FARP1: variants seen among roughly 807,000 people sequenced by gnomAD.
FARP1 encodes the protein FERM, ARHGEF and pleckstrin domain-containing protein 1.
In FARP1, 52 loss-of-function variants were observed where a neutral mutation model predicts 128.8. That is an observed-to-expected ratio of 0.40 (90% CI 0.32 to 0.51). The LOEUF is 0.51. Ranked by LOEUF, FARP1 falls within the 20% of genes least tolerant of loss-of-function variation. The pLI is 0.45. For missense variants in FARP1, 1,333 were observed against 1,367.9 expected, an observed-to-expected ratio of 0.97 and a Z score of 0.40; for synonymous variants, 580 against 551.8, an observed-to-expected ratio of 1.05 and a Z score of -0.72.
intron 2 of FARP1, among the ~76,000 whole-genome samples, chr13:98,325,684 C>G (rs1428934558): frequency 1.3e-5 from 2 of 152,202 alleles, no homozygotes; most frequent in African/African-American, 4.8e-5. Flanking sequence ...CATACTTCTC[C>G]AACACATACT....
chr13:98,160,840 T>G (rs1378436634), intron 1 of FARP1, among the ~76,000 whole-genome samples: 1 of 151,844 alleles, frequency 6.6e-6, no homozygotes, highest in Non-Finnish European at 1.5e-5. Flanking sequence ...TTTTTTTTGT[T>G]TTTGTTTTTT....
intron 1 of FARP1, among the ~76,000 whole-genome samples, chr13:98,210,622 T>C (rs1371503420): frequency 6.6e-6 from 1 of 151,696 alleles, no homozygotes; most frequent in African/African-American, 2.4e-5. Flanking sequence ...CGATCTTGGC[T>C]CACTGCAACC....
chr13:98,151,295 T>C (rs1875980053), intron 1 of FARP1, among the ~76,000 whole-genome samples: 1 of 151,932 alleles, frequency 6.6e-6, no homozygotes, highest in African/African-American at 2.4e-5. Context: ...GAACACAGAG[T>C]GTATGTAGGG....
At chr13:98,221,246 T>C (rs1881397653) in intron 2 of FARP1, among the ~76,000 whole-genome samples, 1 of 152,228 alleles carries the variant, frequency 6.6e-6, no homozygotes. Flanking sequence ...CCCTGAACTT[T>C]AGTTTCCTTC....
At chr13:98,177,284 T>A (rs770735775) in intron 1 of FARP1, 2 of 1,455,256 alleles carry the variant, frequency 1.4e-6, no homozygotes, top group Non-Finnish European at 1.8e-6. Context: ...CACCCTTGCG[T>A]CGCCCTTGCG....
intron 1 of FARP1, among the ~76,000 whole-genome samples, chr13:98,167,155 C>T (rs1307790297): frequency 5.3e-5 from 8 of 152,132 alleles, no homozygotes; most frequent in Admixed American, 2.6e-4. Context: ...GTTCCTGTCC[C>T]TTGGCCAATT....
At chr13:98,270,280 A>G (rs578074608) in intron 2 of FARP1, among the ~76,000 whole-genome samples, 1 of 152,192 alleles carries the variant, frequency 6.6e-6, no homozygotes, top group East Asian at 1.9e-4. Flanking sequence ...CTTGGTCTCT[A>G]TGACAGTTGA....
chr13:98,233,439 A>G (rs1263412761), intron 2 of FARP1, among the ~76,000 whole-genome samples: 2 of 152,138 alleles, frequency 1.3e-5, no homozygotes, highest in Non-Finnish European at 2.9e-5. Flanking sequence ...GGTAGAAGTT[A>G]CAGGAGAGGG....
intron 2 of FARP1, among the ~76,000 whole-genome samples, chr13:98,277,148 A>ACACACACACACACCCCC (rs372627844): frequency 7.2e-6 from 1 of 138,580 alleles, no homozygotes; most frequent in Admixed American, 7.1e-5. Flanking sequence ...ACACACACAC[A>ACACACACACACACCCCC]CCCCATATGT....
At chr13:98,320,830 G>A (rs550435791) in intron 2 of FARP1, among the ~76,000 whole-genome samples, 12 of 152,258 alleles carry the variant, frequency 7.9e-5, no homozygotes, top group African/African-American at 2.9e-4. Flanking sequence ...GATAGACACA[G>A]TTAGACAATT....
intron 3 of FARP1, among the ~76,000 whole-genome samples, chr13:98,354,139 A>G (rs192162928): frequency 5.3e-4 from 80 of 152,358 alleles, no homozygotes; most frequent in Non-Finnish European, 1.0e-3. Context: ...CCCTTCACAT[A>G]TATCTCTAAT....
intron 17 of FARP1, among the ~76,000 whole-genome samples, chr13:98,430,296 CA>C (rs1459844816): frequency 6.6e-6 from 1 of 152,174 alleles, no homozygotes. Context: ...ACATAGAGAG[CA>C]AGCCCACTCT....
At chr13:98,325,186 G>A (rs867244489) in intron 2 of FARP1, among the ~76,000 whole-genome samples, 72 of 152,188 alleles carry the variant, frequency 4.7e-4, no homozygotes, top group African/African-American at 1.7e-3. Context: ...TGGAATAGAA[G>A]AAATTATTTT....
chr13:98,429,253 G>C (rs1251092308), intron 17 of FARP1, among the ~76,000 whole-genome samples: 4 of 152,318 alleles, frequency 2.6e-5, no homozygotes, highest in South Asian at 2.1e-4. Flanking sequence ...AGGGATGGGG[G>C]GTCCTCAGCA....
At chr13:98,276,195 A>T (rs567696447) in intron 2 of FARP1, among the ~76,000 whole-genome samples, 4 of 152,296 alleles carry the variant, frequency 2.6e-5, no homozygotes, top group African/African-American at 9.6e-5. Context: ...CTATTGATGT[A>T]ATTGATGAAA....
intron 4 of FARP1, among the ~76,000 whole-genome samples, chr13:98,366,107 A>G (rs1427698198): frequency 4.6e-5 from 7 of 152,116 alleles, no homozygotes; most frequent in South Asian, 4.1e-4. Context: ...TCTGGTCCCA[A>G]TGTCATCCCA....
Position 98,343,776 on chromosome 13 carries a change from G to A in FARP1, c.186G>A (p.Gly62=). Residue 62 remains glycine, a synonymous_variant, in exon 3 of 27, where the codon GGG becomes GGA. Coordinates refer to ENST00000319562, the MANE Select transcript of FARP1 (RefSeq NM_005766.4). ...EAFEVPQRAP[G]KVLLDAVCNH... ...TCTGCTCACAGCAAAGAGCTCCTGG[G>A]AAGGTGCTGCTGGATGCAGTTTGCA... 1 of 1,613,746 alleles carries A rather than the reference G, an allele frequency of 6.2e-7. No homozygotes were observed. Among genetic ancestry groups the A allele is most frequent in the Middle Eastern group, 1.7e-4 (1 of 6,060 alleles).
chr13:98,199,527 T>G (rs1879801065), intron 1 of FARP1, among the ~76,000 whole-genome samples: 1 of 152,228 alleles, frequency 6.6e-6, no homozygotes, highest in South Asian at 2.1e-4. Flanking sequence ...TAGTATACTT[T>G]GAACATTGGG....
intron 1 of FARP1, among the ~76,000 whole-genome samples, chr13:98,164,777 C>T (rs1235139081): frequency 3.9e-5 from 6 of 152,034 alleles, no homozygotes; most frequent in Non-Finnish European, 7.4e-5. Flanking sequence ...AGAGGTTTGT[C>T]AGTTAGAATT....
Sources: gnomAD v4.1 joint callset for allele counts (sites outside exome capture counted in the v4.1 genomes callset) on GRCh38, gnomAD v4.1.1 for gene constraint, MANE v1.5 for transcripts, NCBI Gene and HGNC (gene_info 2026-07-23, HGNC 2026-07-21) for gene names.